The following XRCC4 variants were observed in gnomAD, a reference collection of about 807,000 sequenced individuals.
The protein encoded by XRCC4 is DNA repair protein XRCC4.
Under a neutral mutation model 39.1 loss-of-function variants are expected in XRCC4, and 28 were observed. The ratio of observed to expected loss-of-function variants is 0.72; its 90% CI spans 0.53 to 0.98. The LOEUF is 0.98. XRCC4 is among the 50% of genes least tolerant of loss of function. The pLI, the probability that XRCC4 is intolerant of heterozygous loss-of-function variation, is 0.00. For synonymous variants in XRCC4, 123 were observed against 126.4 expected (o/e 0.97, Z 0.18); for missense variants, 350 against 376.4 (o/e 0.93, Z 0.58).
intron 6 of XRCC4, among the ~76,000 whole-genome samples, chr5:83,243,289 A>G (rs949183044): frequency 3.9e-5 from 6 of 152,230 alleles, no homozygotes; most frequent in African/African-American, 1.2e-4. Context: ...TGCCATAACA[A>G]AATACTACAA....
intron 1 of XRCC4, among the ~76,000 whole-genome samples, chr5:83,103,487 C>T (rs765532056): frequency 2.0e-5 from 3 of 152,070 alleles, no homozygotes; most frequent in Admixed American, 1.3e-4. Context: ...ACTGGTACAA[C>T]GCTTTTAGAA....
intron 6 of XRCC4, among the ~76,000 whole-genome samples, chr5:83,208,686 A>G (rs1017450554): frequency 5.9e-5 from 9 of 152,044 alleles, no homozygotes; most frequent in Admixed American, 2.0e-4. Context: ...AAAAACCTCA[A>G]AAAATACTCA....
At chr5:83,211,437 T>A (rs1057245538) in intron 6 of XRCC4, among the ~76,000 whole-genome samples, 2 of 152,178 alleles carry the variant, frequency 1.3e-5, no homozygotes, top group Non-Finnish European at 2.9e-5. Context: ...ACTAACCTGG[T>A]TGTGCTCATG....
At chr5:83,264,548 C>G (rs6891831) in intron 7 of XRCC4, among the ~76,000 whole-genome samples, 9,673 of 151,992 alleles carry the variant, frequency 0.064, 410 homozygotes, top group South Asian at 0.16. Context: ...GCAGTTCATG[C>G]TCATTCCAGA....
rs185677631 is a variant in XRCC4 at position 83,352,981 on chromosome 5, C to T, written c.894-150C>T. On this transcript the variant is annotated intron_variant, in intron 7 of 7. Coordinates refer to ENST00000396027, the MANE Select transcript of XRCC4 (RefSeq NM_003401.5). ...AGAAATTAGTCTCTTTATCTCTTTCCTTATAGTTAATAGCATAGAGAAATA... is the reference window on the plus strand; with the variant it reads ...AGAAATTAGTCTCTTTATCTCTTTCTTTATAGTTAATAGCATAGAGAAATA... 1,076 of 570,446 alleles carry T rather than the reference C, an allele frequency of 1.9e-3. 10 individuals are homozygous for T. In the Middle Eastern group the frequency reaches 0.022, roughly 12 times the overall value. The allele number at this position is 570,446 out of a possible 1,614,324, so 35.3% of individuals were successfully genotyped here. A position where few individuals can be genotyped will look rare whatever the true frequency, so the allele number is the denominator to read the frequency against.
chr5:83,143,377 T>G (rs1309659538), intron 3 of XRCC4, among the ~76,000 whole-genome samples: 1 of 152,162 alleles, frequency 6.6e-6, no homozygotes, highest in Non-Finnish European at 1.5e-5. Flanking sequence ...TTCACCCACT[T>G]TGATCACTAT....
At chr5:83,258,176 TTAAAAGA>T (rs1429727975) in intron 6 of XRCC4, among the ~76,000 whole-genome samples, 1 of 152,112 alleles carries the variant, frequency 6.6e-6, no homozygotes. Context: ...ATCTCAGAAC[TTAAAAGA>T]TAATAAAAAA....
chr5:83,123,557 A>T (rs1221537485), intron 3 of XRCC4, among the ~76,000 whole-genome samples: 3 of 149,678 alleles, frequency 2.0e-5, no homozygotes, highest in Admixed American at 1.3e-4. Flanking sequence ...ACATAAAAAA[A>T]TGGTGGTTTA....
At chr5:83,214,203 C>T (rs1396359369) in intron 6 of XRCC4, among the ~76,000 whole-genome samples, 3 of 151,952 alleles carry the variant, frequency 2.0e-5, no homozygotes, top group Admixed American at 2.0e-4. Context: ...AAATTCTAGG[C>T]AGGGCAATTA....
chr5:83,148,036 C>T (rs1748541556), intron 3 of XRCC4, among the ~76,000 whole-genome samples: 1 of 152,070 alleles, frequency 6.6e-6, no homozygotes, highest in Non-Finnish European at 1.5e-5. Flanking sequence ...GATTCGCCCT[C>T]CTCGGCCTCC....
chr5:83,281,507 T>TTG (rs1020605168), intron 7 of XRCC4, among the ~76,000 whole-genome samples: 6 of 141,796 alleles, frequency 4.2e-5, no homozygotes, highest in African/African-American at 1.5e-4. Flanking sequence ...TTGTTTTGTT[T>TTG]TTTTTTTTTA....
chr5:83,278,166 C>CT (rs1243002394), intron 7 of XRCC4, among the ~76,000 whole-genome samples: 1 of 152,184 alleles, frequency 6.6e-6, no homozygotes, highest in African/African-American at 2.4e-5. Flanking sequence ...AATGACTTCA[C>CT]TTTCCATTTG....
intron 2 of XRCC4, 26 bp downstream of exon 2, chr5:83,105,084 A>G (rs773098999): frequency 1.2e-5 from 19 of 1,590,022 alleles, no homozygotes; most frequent in Non-Finnish European, 1.1e-5. Context: ...AAGTTTTTAT[A>G]AGTAAAATTT....
chr5:83,166,460 G>GT (rs200217928), intron 3 of XRCC4, among the ~76,000 whole-genome samples: 167 of 142,192 alleles, frequency 1.2e-3, no homozygotes, highest in East Asian at 2.9e-3. Context: ...GTTCCTGTTT[G>GT]TTTTTTTTTT....
At chr5:83,267,186 A>G (rs942207485) in intron 7 of XRCC4, among the ~76,000 whole-genome samples, 4 of 152,146 alleles carry the variant, frequency 2.6e-5, no homozygotes, top group Non-Finnish European at 5.9e-5. Flanking sequence ...GTGTTCTTTG[A>G]GTCTGGCTTT....
At chr5:83,348,740 T>C (rs911354179) in intron 7 of XRCC4, among the ~76,000 whole-genome samples, 3 of 152,186 alleles carry the variant, frequency 2.0e-5, no homozygotes, top group Non-Finnish European at 2.9e-5. Context: ...AGAAAATGGG[T>C]TTTTCTTTTC....
intron 7 of XRCC4, among the ~76,000 whole-genome samples, chr5:83,284,897 T>A (rs1754680870): frequency 6.6e-6 from 1 of 152,086 alleles, no homozygotes; most frequent in South Asian, 2.1e-4. Context: ...ATATTTTATG[T>A]ATATATTAAA....
At chr5:83,294,878 A>G (rs1755041058) in intron 7 of XRCC4, among the ~76,000 whole-genome samples, 1 of 152,032 alleles carries the variant, frequency 6.6e-6, no homozygotes, top group African/African-American at 2.4e-5. Context: ...TTATGGAACA[A>G]GAGGTTTCTT....
intron 7 of XRCC4, among the ~76,000 whole-genome samples, chr5:83,338,430 T>C (rs532987448): frequency 1.1e-4 from 16 of 152,294 alleles, no homozygotes; most frequent in African/African-American, 3.8e-4. Flanking sequence ...ATTCATATGG[T>C]CAAGGCATAA....
Sources: gnomAD v4.1 joint callset for allele counts (sites outside exome capture counted in the v4.1 genomes callset) on GRCh38, gnomAD v4.1.1 for gene constraint, MANE v1.5 for transcripts, NCBI Gene and HGNC (gene_info 2026-07-23, HGNC 2026-07-21) for gene names.